The following C4orf50 variants were observed in gnomAD, a reference collection of about 807,000 sequenced individuals.
C4orf50 encodes the protein uncharacterized protein C4orf50.
C4orf50 carries 80 observed loss-of-function variants against 77.2 expected under a neutral mutation model. The ratio of observed to expected loss-of-function variants is 1.04; its 90% CI spans 0.87 to 1.25. C4orf50 has a LOEUF of 1.25. Ranked by LOEUF, C4orf50 falls within the 50% of genes most tolerant of loss-of-function variation. The pLI is 0.00. For missense variants in C4orf50, 1,257 were observed against 1,152.9 expected (o/e 1.09, Z -1.31); for synonymous variants, 532 against 465.3 (o/e 1.14, Z -1.84).
chr4:5,988,836 C>T, exon 28 of C4orf50: 1 of 1,536,110 alleles, frequency 6.5e-7, no homozygotes, highest in Non-Finnish European at 8.7e-7. Context: ...TATCCTTTAT[C>T]AGCTCTTTAT....
At chr4:5,936,576 A>AAAG (rs1553913974) in intron 7 of C4orf50, among the ~76,000 whole-genome samples, 1 of 150,804 alleles carries the variant, frequency 6.6e-6, no homozygotes, top group Non-Finnish European at 1.5e-5. Flanking sequence ...AAAAAAAAAA[A>AAAG]AAAAAAAGAA....
rs559969236 is a variant in C4orf50 at position 6,000,215 on chromosome 4, C to G, written c.964-5739G>C. Among the ~76,000 whole-genome samples the G allele has an allele frequency of 2.4e-4, 36 of 152,266 alleles. No homozygotes were observed. The highest frequency in any genetic ancestry group is 8.2e-4 in the African/African-American group (34 of 41,572). ...GCAGTCACACAGCATGCGATGCTCT[C>G]TGGACTCTGCGACTTCACAGATGTG... On this transcript the variant is annotated intron_variant, in intron 25 of 33. Coordinates refer to ENST00000531445, the Ensembl canonical transcript of C4orf50. The surrounding 1 kb of genome is among the most constrained non-coding windows in gnomAD (Gnocchi z 6.0).
At chr4:5,943,821 T>C (rs900797634) in intron 7 of C4orf50, among the ~76,000 whole-genome samples, 5 of 152,202 alleles carry the variant, frequency 3.3e-5, no homozygotes, top group Non-Finnish European at 5.9e-5. Context: ...CTGTGTAAGA[T>C]TAGACTCATC....
intron 7 of C4orf50, among the ~76,000 whole-genome samples, chr4:5,922,040 G>A (rs1192470175): frequency 6.6e-6 from 1 of 152,170 alleles, no homozygotes; most frequent in Non-Finnish European, 1.5e-5. Flanking sequence ...CTGGTTTCTG[G>A]TCAAGCAGGA....
intron 25 of C4orf50, among the ~76,000 whole-genome samples, chr4:6,005,988 G>T (rs774549154): frequency 3.8e-4 from 58 of 152,276 alleles, no homozygotes; most frequent in African/African-American, 1.2e-3. Context: ...ATTACAGAGA[G>T]AATTTTAAAT....
chr4:6,003,998 GGTGATGGTGATGATGTGATGGTGATAAT>G (rs1722018052), intron 25 of C4orf50, among the ~76,000 whole-genome samples: 1 of 149,338 alleles, frequency 6.7e-6, no homozygotes, highest in Admixed American at 6.7e-5. Context: ...TGGTGATGAT[GGTGATGGTGATGATGTGATGGTGATAAT>G]GTGATAGTGA....
chr4:5,934,946 C>A (rs1717942549), intron 7 of C4orf50, among the ~76,000 whole-genome samples: 1 of 152,164 alleles, frequency 6.6e-6, no homozygotes, highest in Non-Finnish European at 1.5e-5. Context: ...CTGGGTGACC[C>A]CAAGCAAGTT....
chr4:5,962,269 G>A (rs928394397), intron 33 of C4orf50, among the ~76,000 whole-genome samples: 1 of 152,226 alleles, frequency 6.6e-6, no homozygotes, highest in Non-Finnish European at 1.5e-5. Flanking sequence ...CAAAGAAACT[G>A]AAGTCCCCTA....
intron 7 of C4orf50, among the ~76,000 whole-genome samples, chr4:5,906,558 C>G (rs1049205395): frequency 6.6e-6 from 1 of 152,044 alleles, no homozygotes; most frequent in Non-Finnish European, 1.5e-5. Context: ...GAGAGGGACC[C>G]TAGGAAAATC....
intron 7 of C4orf50, among the ~76,000 whole-genome samples, chr4:5,949,164 G>C (rs2108755400): frequency 6.6e-6 from 1 of 152,238 alleles, no homozygotes; most frequent in South Asian, 2.1e-4. Flanking sequence ...ACAGCAGCAA[G>C]ACCCCCGCCC....
rs952720354 is a variant in C4orf50, at chr4:6,000,858, C to G, written c.964-6382G>C. On this transcript the variant is annotated intron_variant, in intron 25 of 33. Coordinates refer to ENST00000531445, the Ensembl canonical transcript of C4orf50. This position sits in a 1 kb window ranked among gnomAD's most constrained non-coding sequence, Gnocchi z 6.0. Reference sequence around the variant, plus strand: ...AATCCTGGTCCCACCATATTACCGTCTGAATTTTCATGTCCCCCCAAAACT... The same window carrying G: ...AATCCTGGTCCCACCATATTACCGTGTGAATTTTCATGTCCCCCCAAAACT... 6.6e-6 allele frequency among the ~76,000 whole-genome samples: 1 copy of G among 152,212 alleles called. No homozygotes were observed. Among genetic ancestry groups the G allele is most frequent in the African/African-American group, 2.4e-5 (1 of 41,454 alleles).
At chr4:5,945,928 G>A (rs1020385131) in intron 7 of C4orf50, among the ~76,000 whole-genome samples, 14 of 152,170 alleles carry the variant, frequency 9.2e-5, no homozygotes, top group South Asian at 2.1e-4. Context: ...TGGCTCCCTC[G>A]GCCTCTGACT....
chr4:5,907,476 G>T (rs564337385), intron 7 of C4orf50, among the ~76,000 whole-genome samples: 1 of 152,288 alleles, frequency 6.6e-6, no homozygotes, highest in East Asian at 1.9e-4. Context: ...TCTAAAAGAA[G>T]ACTTTAAAAT....
chr4:6,011,030 G>A lies in C4orf50; in HGVS notation c.426+800C>T, dbSNP rs1274901506. On this transcript the variant is annotated intron_variant, in intron 24 of 33. Transcript: ENST00000531445. The surrounding 1 kb of genome is among the most constrained non-coding windows in gnomAD (Gnocchi z 4.2). ...ACAGCTATCGAGTGGCAGAGCCAGG[G>A]TTTGGCTCCAGGCCTCTGCCTCCAG... 6.6e-6 allele frequency among the ~76,000 whole-genome samples: 1 copy of A among 152,130 alleles called. No individual in the cohort carries two copies. Among genetic ancestry groups the A allele is most frequent in the African/African-American group, 2.4e-5 (1 of 41,426 alleles).
chr4:5,981,627 C>T lies in C4orf50; in HGVS notation c.3700-1289G>A, dbSNP rs993378842. Among the ~76,000 whole-genome samples the T allele has an allele frequency of 3.9e-5, 6 of 152,048 alleles. 1 individual carries two copies. The East Asian group carries it at 1.2e-3, about 29-fold the overall frequency. ...CCATGTTGGTCAGGCTAGTCTCGAA[C>T]TCCAGACCTCAGGTGATCCACCCGC... On this transcript the variant is annotated intron_variant, in intron 28 of 33. Coordinates refer to ENST00000531445, the Ensembl canonical transcript of C4orf50.
rs1048084700 is a variant in C4orf50, at chr4:5,919,869, C to A, written c.*2475-21681G>T. Among the ~76,000 whole-genome samples the A allele has an allele frequency of 6.6e-6, 1 of 152,182 alleles. No homozygotes were observed. Among genetic ancestry groups the A allele is most frequent in the African/African-American group, 2.4e-5 (1 of 41,442 alleles). ...TCGGGCACAGGTGGCCCTCCCTATC[C>A]ATGGGTTCCACATCCATCGATTCAA... On this transcript the variant is annotated intron_variant, in intron 7 of 7. Coordinates refer to the C4orf50 transcript ENST00000324058. This position sits in a 1 kb window ranked among gnomAD's most constrained non-coding sequence, Gnocchi z 6.5.
chr4:5,973,802 T>A (rs772710563), exon 31 of C4orf50: 1 of 1,613,466 alleles, frequency 6.2e-7, no homozygotes. Flanking sequence ...ATCAGGCGGT[T>A]CCTCTCCCGG....
At chr4:5,963,318 T>A (rs984201739) in intron 33 of C4orf50, among the ~76,000 whole-genome samples, 1 of 152,126 alleles carries the variant, frequency 6.6e-6, no homozygotes, top group African/African-American at 2.4e-5. Context: ...TTCTACCTGC[T>A]GCTGATAAGG....
Position 5,932,890 on chromosome 4 carries a change from G to GC in C4orf50, c.*2474+24010dup, listed in dbSNP as rs1717828926. Among the ~76,000 whole-genome samples the GC allele has an allele frequency of 6.6e-6, 1 of 152,202 alleles. No individual in the cohort carries two copies. Among genetic ancestry groups the GC allele is most frequent in the African/African-American group, 2.4e-5 (1 of 41,440 alleles). On this transcript the variant is annotated intron_variant, in intron 7 of 7. Transcript: ENST00000324058. This position sits in a 1 kb window ranked among gnomAD's most constrained non-coding sequence, Gnocchi z 4.2. ...TGTTACAGGGTTTAAATGAGATAGT[G>GC]CATTTATAATGGTGGTGCAGCTCCT...
Sources: allele counts gnomAD v4.1 joint callset (sites outside exome capture counted in the v4.1 genomes callset), GRCh38; gene constraint gnomAD v4.1.1; non-coding constraint Gnocchi (gnomAD v3.1); transcripts MANE v1.5; gene names NCBI Gene and HGNC (gene_info 2026-07-23, HGNC 2026-07-21).